Variants in SCD5 observed in about 807,000 individuals in gnomAD.
SCD5 encodes acyl-CoA-desaturase 4.
SCD5 carries 20 observed loss-of-function variants against 30.4 expected under a neutral mutation model. The ratio of observed to expected loss-of-function variants is 0.66; its 90% CI spans 0.46 to 0.96. The LOEUF is 0.96. Ranked by LOEUF, SCD5 falls within the 40% of genes least tolerant of loss-of-function variation. SCD5 has a pLI of 0.00. For missense variants in SCD5, 381 were observed against 443.3 expected (o/e 0.86, Z 1.26); for synonymous variants, 173 against 176.4 (o/e 0.98, Z 0.16).
At chr4:82,636,514 G>T in intron 4 of SCD5, 77 bp downstream of exon 4, 2 of 1,103,798 alleles carry the variant, frequency 1.8e-6, no homozygotes, top group Non-Finnish European at 2.7e-6. Flanking sequence ...TCTCTTTACT[G>T]ATTCCACAAA....
intron 1 of SCD5, among the ~76,000 whole-genome samples, chr4:82,749,779 G>A (rs11935926): frequency 0.048 from 7,236 of 152,252 alleles, 591 homozygotes; most frequent in African/African-American, 0.17. Context: ...TAACACATTA[G>A]AAATCATTGC....
At chr4:82,670,795 A>G (rs1273073732) in intron 3 of SCD5, among the ~76,000 whole-genome samples, 2 of 151,986 alleles carry the variant, frequency 1.3e-5, no homozygotes, top group South Asian at 4.1e-4. Flanking sequence ...CATGGCAAAT[A>G]TCAATTCCAT....
intron 1 of SCD5, among the ~76,000 whole-genome samples, chr4:82,797,909 G>A (rs1722261536): frequency 6.6e-6 from 1 of 152,182 alleles, no homozygotes; most frequent in Admixed American, 6.5e-5. Context: ...GACCGCAGAG[G>A]TGACACAATC....
chr4:82,798,440 G>A lies in SCD5; in HGVS notation c.98C>T (p.Pro33Leu), dbSNP rs142842178. Reference sequence around the variant, plus strand: ...CTGCCCGCGCGCGCCTGGCCTCTCCGGGCCGCCGCCGCCCTCAGAGCTTTC... The same window carrying A: ...CTGCCCGCGCGCGCCTGGCCTCTCCAGGCCGCCGCCGCCCTCAGAGCTTTC... Reference protein sequence around the residue: ...GLESSEGGGGPERPGARGQRQ... With the variant: ...GLESSEGGGGLERPGARGQRQ... The change falls in exon 1 of 5, where the codon CCG becomes CTG. Residue 33 changes from proline to leucine, a missense_variant. Transcript: ENST00000319540. The A allele has an allele frequency of 2.2e-3, 3,615 of 1,613,116 alleles. 63 individuals carry two copies. The African/African-American group carries it at 0.036, about 16-fold the overall frequency.
chr4:82,673,907 G>T (rs887552970), intron 3 of SCD5, among the ~76,000 whole-genome samples: 8 of 152,074 alleles, frequency 5.3e-5, no homozygotes, highest in Non-Finnish European at 1.2e-4. Flanking sequence ...ATAGAGAAAA[G>T]GTAGTCTTTT....
chr4:82,798,573 C>G lies in SCD5; in HGVS notation c.-36G>C. On this transcript the variant is annotated 5_prime_UTR_variant, in exon 1 of 5. Transcript: ENST00000319540. ...GGTGGGCGCCCGCAGCAGCGGCAGG[C>G]AGGCAGGCGCTCTGCCCGAGCGGAG... 6.6e-7 allele frequency: 1 copy of G among 1,523,498 alleles called. No homozygotes were observed. The highest frequency in any genetic ancestry group is 1.3e-5 in the South Asian group (1 of 79,912). The allele number at this position is 1,523,498 out of a possible 1,614,324, so 94.4% of individuals were successfully genotyped here.
chr4:82,757,270 T>C (rs1397889769), intron 1 of SCD5, among the ~76,000 whole-genome samples: 1 of 152,180 alleles, frequency 6.6e-6, no homozygotes, highest in African/African-American at 2.4e-5. Context: ...AAAAGTCCTT[T>C]AGGTCTTGAT....
intron 1 of SCD5, among the ~76,000 whole-genome samples, chr4:82,752,132 AG>A (rs1176964690): frequency 2.0e-5 from 3 of 152,158 alleles, no homozygotes; most frequent in Non-Finnish European, 4.4e-5. Context: ...CAAGGCCTGA[AG>A]TATTTAACTT....
intron 1 of SCD5, among the ~76,000 whole-genome samples, chr4:82,706,605 G>A (rs921645974): frequency 3.3e-5 from 5 of 152,232 alleles, no homozygotes; most frequent in African/African-American, 1.2e-4. Context: ...ATAAACACCT[G>A]AGCCAATCCT....
intron 1 of SCD5, among the ~76,000 whole-genome samples, chr4:82,779,023 G>T (rs1291356169): frequency 6.6e-6 from 1 of 151,964 alleles, no homozygotes; most frequent in African/African-American, 2.4e-5. Context: ...GCGCCACCAC[G>T]CCTGGCTAAT....
intron 1 of SCD5, among the ~76,000 whole-genome samples, chr4:82,712,792 C>T (rs1720139843): frequency 6.6e-6 from 1 of 152,178 alleles, no homozygotes. Flanking sequence ...GGGCAAGGAC[C>T]TCTACGGCTA....
intron 3 of SCD5, among the ~76,000 whole-genome samples, chr4:82,668,659 GA>G (rs1275817062): frequency 6.6e-6 from 1 of 152,194 alleles, no homozygotes; most frequent in Non-Finnish European, 1.5e-5. Flanking sequence ...CCAAAGAGCT[GA>G]GCTCTGCTTA....
intron 1 of SCD5, among the ~76,000 whole-genome samples, chr4:82,780,399 A>G (rs1217385743): frequency 6.6e-6 from 1 of 152,202 alleles, no homozygotes; most frequent in Non-Finnish European, 1.5e-5. Flanking sequence ...AGTAGGAATG[A>G]TAGCTTGCTT....
intron 1 of SCD5, among the ~76,000 whole-genome samples, chr4:82,738,728 T>G (rs545826571): frequency 6.6e-6 from 1 of 152,224 alleles, no homozygotes; most frequent in Non-Finnish European, 1.5e-5. Context: ...ATTTCTCCAC[T>G]GTAGTAGATA....
intron 2 of SCD5, among the ~76,000 whole-genome samples, chr4:82,694,709 A>G (rs183844623): frequency 3.9e-5 from 6 of 152,300 alleles, no homozygotes; most frequent in African/African-American, 1.4e-4. Context: ...TATATTTACT[A>G]TTCATTAAGT....
At chr4:82,754,695 A>G (rs1721194711) in intron 1 of SCD5, among the ~76,000 whole-genome samples, 1 of 152,242 alleles carries the variant, frequency 6.6e-6, no homozygotes. Flanking sequence ...AGCGGATGGC[A>G]TCAGTACTAA....
chr4:82,694,608 C>T (rs1719654354), intron 2 of SCD5, among the ~76,000 whole-genome samples: 1 of 152,040 alleles, frequency 6.6e-6, no homozygotes, highest in South Asian at 2.1e-4. Context: ...TGCACAGTGA[C>T]TGACGAATGT....
At chr4:82,702,633 C>A (rs973343030) in intron 2 of SCD5, among the ~76,000 whole-genome samples, 1 of 152,154 alleles carries the variant, frequency 6.6e-6, no homozygotes, top group African/African-American at 2.4e-5. Flanking sequence ...TGATCCCAAA[C>A]AGAGACAGCT....
At chr4:82,795,971 A>G (rs1722204613) in intron 1 of SCD5, among the ~76,000 whole-genome samples, 1 of 150,102 alleles carries the variant, frequency 6.7e-6, no homozygotes, top group Non-Finnish European at 1.5e-5. Flanking sequence ...GAAGGTGGGG[A>G]GAGAATTAAG....
Sources: gnomAD v4.1 joint callset for allele counts (sites outside exome capture counted in the v4.1 genomes callset) on GRCh38, gnomAD v4.1.1 for gene constraint, MANE v1.5 for transcripts, NCBI Gene and HGNC (gene_info 2026-07-23, HGNC 2026-07-21) for gene names.